Variants in ADGRL3 observed in about 807,000 individuals in gnomAD.
ADGRL3 encodes the protein adhesion G protein-coupled receptor L3.
ADGRL3 carries 62 observed loss-of-function variants against 153.5 expected under a neutral mutation model. The ratio of observed to expected loss-of-function variants is 0.40; its 90% CI spans 0.33 to 0.50. ADGRL3 has a LOEUF of 0.50. ADGRL3 is among the 20% of genes least tolerant of loss of function. The pLI is 0.47. For missense variants in ADGRL3, 1,641 were observed against 1,859.4 expected (o/e 0.88, Z 2.16); for synonymous variants, 710 against 672.5 (o/e 1.06, Z -0.86).
At chr4:61,281,450 T>TA (rs34072274) in intron 1 of ADGRL3, among the ~76,000 whole-genome samples, 1 of 152,172 alleles carries the variant, frequency 6.6e-6, no homozygotes, top group East Asian at 1.9e-4. Flanking sequence ...TAAGAGGACT[T>TA]ACAATGCTTG....
rs1410395960 is a variant in ADGRL3 at position 61,768,029 on chromosome 4, T to A, written c.1399+34475T>A. On this transcript the variant is annotated intron_variant, in intron 8 of 26. Transcript: ENST00000683033. ...AGAATAAGACGGCCTTTTGACCTTT[T>A]AGGGGCTAGGGCTGTAAAGTGTCTC... Among the ~76,000 whole-genome samples the A allele has an allele frequency of 6.6e-5, 10 of 152,130 alleles. No individual in the cohort carries two copies. The East Asian group carries it at 1.9e-3, about 29-fold the overall frequency.
At chr4:61,759,442 G>A (rs920960089) in intron 8 of ADGRL3, among the ~76,000 whole-genome samples, 5 of 151,914 alleles carry the variant, frequency 3.3e-5, no homozygotes, top group African/African-American at 1.2e-4. Flanking sequence ...TCACTGATAC[G>A]CTTTCTTCCA....
intron 5 of ADGRL3, among the ~76,000 whole-genome samples, chr4:61,614,382 G>A (rs1359716604): frequency 2.0e-5 from 3 of 152,146 alleles, no homozygotes. Context: ...TGTCTGCTAG[G>A]AGGCAGTTAA....
At chr4:61,358,350 C>T (rs954735959) in intron 1 of ADGRL3, among the ~76,000 whole-genome samples, 2 of 152,050 alleles carry the variant, frequency 1.3e-5, no homozygotes, top group Non-Finnish European at 2.9e-5. Context: ...GTAAGTCCAG[C>T]ACTTTGGGAG....
chr4:61,547,697 T>C (rs958017645), intron 4 of ADGRL3, among the ~76,000 whole-genome samples: 4 of 152,150 alleles, frequency 2.6e-5, no homozygotes, highest in Non-Finnish European at 5.9e-5. Flanking sequence ...CTACTGTGAA[T>C]ACTGCTGCAG....
intron 9 of ADGRL3, among the ~76,000 whole-genome samples, chr4:61,828,546 G>A (rs1405803926): frequency 1.3e-5 from 2 of 152,070 alleles, no homozygotes; most frequent in Non-Finnish European, 2.9e-5. Context: ...AATCTTCAGA[G>A]TTTAAAAATC....
intron 1 of ADGRL3, among the ~76,000 whole-genome samples, chr4:61,309,811 G>C (rs2094930398): frequency 6.6e-6 from 1 of 152,014 alleles, no homozygotes; most frequent in African/African-American, 2.4e-5. Context: ...GCAATAGGAT[G>C]GCAGATGGAA....
chr4:62,030,319 T>C (rs956161092), intron 22 of ADGRL3, among the ~76,000 whole-genome samples: 1 of 151,556 alleles, frequency 6.6e-6, no homozygotes, highest in African/African-American at 2.4e-5. Context: ...GTCATTATAG[T>C]GGAGGATAAT....
chr4:61,908,712 T>C (rs2098708177), intron 11 of ADGRL3, among the ~76,000 whole-genome samples: 1 of 152,188 alleles, frequency 6.6e-6, no homozygotes, highest in South Asian at 2.1e-4. Flanking sequence ...AGTGTAAATG[T>C]GTTATAATCC....
chr4:62,044,417 T>G, intron 24 of ADGRL3, 36 bp from the exon 25 acceptor site: 4 of 1,300,104 alleles, frequency 3.1e-6, no homozygotes, highest in Non-Finnish European at 4.4e-6. Context: ...CACTGCATCA[T>G]GAGTTCATTT....
chr4:61,351,957 T>C (rs1156740702), intron 1 of ADGRL3, among the ~76,000 whole-genome samples: 2 of 152,156 alleles, frequency 1.3e-5, no homozygotes, highest in Non-Finnish European at 1.5e-5. Flanking sequence ...ATGTAATTCA[T>C]AAGGCTATAC....
chr4:61,420,232 G>T (rs1057029076), intron 2 of ADGRL3: 1 of 151,990 alleles, frequency 6.6e-6, no homozygotes, highest in Admixed American at 6.6e-5. Flanking sequence ...TTTACATAGA[G>T]AGTATTTTTA....
Position 61,457,035 on chromosome 4 carries a change from G to T in ADGRL3, c.-173-40086G>T, listed in dbSNP as rs150957838. On this transcript the variant is annotated intron_variant, in intron 2 of 26. Transcript: ENST00000683033. ...ATGGACAATAATACATGTTCAGTTT[G>T]TGTGTTCTTTCTAAATTAATTTATC... 2.8e-3 allele frequency among the ~76,000 whole-genome samples: 428 copies of T among 151,866 alleles called. 1 individual carries two copies. Among genetic ancestry groups the T allele is most frequent in the African/African-American group, 9.9e-3 (412 of 41,486 alleles).
chr4:61,960,406 G>A (rs1305852960), intron 17 of ADGRL3, among the ~76,000 whole-genome samples: 1 of 152,088 alleles, frequency 6.6e-6, no homozygotes, highest in East Asian at 1.9e-4. Context: ...TGTGGTTGGA[G>A]TGGAAAAAGT....
intron 1 of ADGRL3, among the ~76,000 whole-genome samples, chr4:61,218,685 T>C (rs1349377034): frequency 6.6e-6 from 1 of 151,950 alleles, no homozygotes; most frequent in Non-Finnish European, 1.5e-5. Flanking sequence ...ACAGAAAAAA[T>C]ACTGCATTTT....
chr4:61,790,954 C>G (rs1441552835), intron 8 of ADGRL3, among the ~76,000 whole-genome samples: 1 of 152,116 alleles, frequency 6.6e-6, no homozygotes, highest in Non-Finnish European at 1.5e-5. Context: ...AGACCCACCC[C>G]CATGATTCAG....
At chr4:61,780,235 G>A (rs976569832) in intron 8 of ADGRL3, among the ~76,000 whole-genome samples, 1 of 152,184 alleles carries the variant, frequency 6.6e-6, no homozygotes, top group African/African-American at 2.4e-5. Flanking sequence ...GAGAAGAGCA[G>A]CCGCCTGATA....
intron 1 of ADGRL3, among the ~76,000 whole-genome samples, chr4:61,343,571 C>T (rs1284470553): frequency 6.6e-6 from 1 of 152,046 alleles, no homozygotes; most frequent in Non-Finnish European, 1.5e-5. Context: ...TTAATCTAGG[C>T]TATAAATAAA....
At chr4:61,510,841 T>G (rs2098459716) in intron 3 of ADGRL3, among the ~76,000 whole-genome samples, 1 of 152,026 alleles carries the variant, frequency 6.6e-6, no homozygotes, top group Non-Finnish European at 1.5e-5. Context: ...ATTTGTAGAG[T>G]GCTTTGGGTG....
Sources: allele counts gnomAD v4.1 joint callset (sites outside exome capture counted in the v4.1 genomes callset), GRCh38; gene constraint gnomAD v4.1.1; transcripts MANE v1.5; gene names NCBI Gene and HGNC (gene_info 2026-07-23, HGNC 2026-07-21).